The following QDPR variants were observed in gnomAD, a reference collection of about 807,000 sequenced individuals.
QDPR encodes dihydropteridine reductase.
QDPR carries 23 observed loss-of-function variants against 31.7 expected under a neutral mutation model. The observed-to-expected ratio is 0.73, with a 90% CI of 0.52 to 1.03. QDPR has a LOEUF of 1.03. QDPR is among the 50% of genes least tolerant of loss of function. The pLI, the probability that QDPR is intolerant of heterozygous loss-of-function variation, is 0.00. For missense variants in QDPR, 324 were observed against 323.8 expected, an observed-to-expected ratio of 1.00 and a Z score of 0.00; for synonymous variants, 124 against 124.7, an observed-to-expected ratio of 0.99 and a Z score of 0.03.
chr4:17,508,500 T>C (rs561070326), intron 2 of QDPR, among the ~76,000 whole-genome samples: 126 of 152,108 alleles, frequency 8.3e-4, no homozygotes, highest in South Asian at 1.9e-3. Flanking sequence ...TTCTTGACAA[T>C]AGTAAAACAA....
chr4:17,501,631 T>C (rs1043869780), intron 4 of QDPR, 88 bp downstream of exon 4: 2 of 1,500,420 alleles, frequency 1.3e-6, no homozygotes, highest in Non-Finnish European at 1.8e-6. Flanking sequence ...GTAAAGGCTT[T>C]AACAGTCCTC....
intron 4 of QDPR, among the ~76,000 whole-genome samples, chr4:17,493,573 C>CT (rs377589532): frequency 4.6e-5 from 7 of 152,118 alleles, no homozygotes; most frequent in South Asian, 2.1e-4. Flanking sequence ...CAGGCAAACG[C>CT]TTTTTTTATA....
At chr4:17,508,386 C>A (rs1200051054) in intron 2 of QDPR, among the ~76,000 whole-genome samples, 1 of 152,196 alleles carries the variant, frequency 6.6e-6, no homozygotes, top group Non-Finnish European at 1.5e-5. Flanking sequence ...TGGCAGTGAG[C>A]TGAGATTGTG....
At chr4:17,504,237 A>C in intron 3 of QDPR, 142 bp downstream of exon 3, 1 of 734,834 alleles carries the variant, frequency 1.4e-6, no homozygotes, top group Non-Finnish European at 2.4e-6. Context: ...TAAGAGCATT[A>C]ATCACTCTCT....
At chr4:17,488,604 A>C (rs1470088595) in intron 6 of QDPR, among the ~76,000 whole-genome samples, 2 of 152,256 alleles carry the variant, frequency 1.3e-5, no homozygotes, top group African/African-American at 4.8e-5. Context: ...CACAAGAAAC[A>C]AGAAGTAGAT....
intron 4 of QDPR, among the ~76,000 whole-genome samples, chr4:17,492,864 G>C (rs889422783): frequency 1.3e-5 from 2 of 152,182 alleles, no homozygotes; most frequent in Non-Finnish European, 2.9e-5. Context: ...GCCCAGGCAA[G>C]AAATGGGTTC....
chr4:17,495,327 C>G (rs1249942138), intron 4 of QDPR, among the ~76,000 whole-genome samples: 2 of 152,158 alleles, frequency 1.3e-5, no homozygotes, highest in Admixed American at 6.5e-5. Flanking sequence ...CTTACCCCAC[C>G]CCATGTCATG....
intron 2 of QDPR, among the ~76,000 whole-genome samples, chr4:17,505,435 T>C (rs957713566): frequency 7.2e-5 from 11 of 152,118 alleles, no homozygotes; most frequent in Admixed American, 4.6e-4. Flanking sequence ...TTAGTAGAGA[T>C]GGGGTTTCGC....
chr4:17,489,847 T>C (rs950389771), intron 6 of QDPR, among the ~76,000 whole-genome samples: 1 of 152,192 alleles, frequency 6.6e-6, no homozygotes, highest in Non-Finnish European at 1.5e-5. Context: ...CAAACATCTC[T>C]TATAAACAGT....
intron 2 of QDPR, among the ~76,000 whole-genome samples, chr4:17,505,482 G>T (rs1226061585): frequency 6.6e-6 from 1 of 152,052 alleles, no homozygotes; most frequent in Non-Finnish European, 1.5e-5. Context: ...CCTGACCTCA[G>T]GTGATTCGCC....
At chr4:17,501,192 G>C (rs1718549258) in intron 4 of QDPR, among the ~76,000 whole-genome samples, 1 of 152,018 alleles carries the variant, frequency 6.6e-6, no homozygotes, top group Non-Finnish European at 1.5e-5. Flanking sequence ...CTCTCTTTTT[G>C]TTTTCTAATG....
rs777797545 is a variant in QDPR at position 17,487,231 on chromosome 4, A to C, written c.635T>G (p.Phe212Cys). Residue 212 changes from phenylalanine (F) to cysteine (C), a missense_variant, in exon 7 of 7, where the codon TTC (phenylalanine) becomes TGC (cysteine). Coordinates refer to ENST00000281243, the MANE Select transcript of QDPR (RefSeq NM_000320.3). Reference protein sequence around the residue: ...WTPLEFLVETFHDWITGKNRP... With the variant: ...WTPLEFLVETCHDWITGKNRP... ...GTTTTTCCCTGTGATCCAGTCATGGAAAGTTCTGGAACAGAAAATAAAAGT... is the reference window on the plus strand; with the variant it reads ...GTTTTTCCCTGTGATCCAGTCATGGCAAGTTCTGGAACAGAAAATAAAAGT... 1.2e-6 allele frequency: 2 copies of C among 1,613,696 alleles called. No homozygotes were observed. The highest frequency in any genetic ancestry group is 1.3e-5 in the African/African-American group (1 of 74,924).
chr4:17,504,231 A>G, intron 3 of QDPR, 148 bp downstream of exon 3: 2 of 715,770 alleles, frequency 2.8e-6, no homozygotes, highest in Non-Finnish European at 5.0e-6. Context: ...ATGGATTAAG[A>G]GCATTAATCA....
intron 2 of QDPR, among the ~76,000 whole-genome samples, chr4:17,506,912 T>C (rs938716924): frequency 1.3e-5 from 2 of 152,214 alleles, no homozygotes; most frequent in African/African-American, 2.4e-5. Context: ...TGCTCACAGT[T>C]TTATGTTCAA....
rs1251945218 is a variant in QDPR, at chr4:17,504,281, C to T, written c.295+98G>A. ...AACTGTAAAGATTCCGGGATATACACAAAAAAACAGCTGGCCTGTCACCTA... is the reference window on the plus strand; with the variant it reads ...AACTGTAAAGATTCCGGGATATACATAAAAAAACAGCTGGCCTGTCACCTA... On this transcript the variant is annotated intron_variant, in intron 3 of 6. Transcript: ENST00000281243. 6 of 1,019,358 alleles carry T rather than the reference C, an allele frequency of 5.9e-6. No homozygotes were observed. The African/African-American group carries it at 7.9e-5, about 13-fold the overall frequency. The allele number at this position is 1,019,358 out of a possible 1,614,324, so 63.1% of individuals were successfully genotyped here.
intron 6 of QDPR, among the ~76,000 whole-genome samples, chr4:17,487,627 G>A (rs925538441): frequency 4.6e-5 from 7 of 151,776 alleles, no homozygotes; most frequent in Admixed American, 2.6e-4. Flanking sequence ...GCATCACAAT[G>A]AGACTCCGTC....
intron 4 of QDPR, among the ~76,000 whole-genome samples, chr4:17,494,187 A>G (rs1297875975): frequency 6.6e-6 from 1 of 152,122 alleles, no homozygotes; most frequent in Non-Finnish European, 1.5e-5. Flanking sequence ...AATCAAATAA[A>G]ATACCATGTA....
intron 4 of QDPR, among the ~76,000 whole-genome samples, chr4:17,495,845 C>CA (rs1170146934): frequency 4.6e-5 from 7 of 151,522 alleles, no homozygotes; most frequent in African/African-American, 1.7e-4. Flanking sequence ...CCTGTCTCCA[C>CA]AAAAAATACA....
At position 17,498,598 on chromosome 4, in the gene QDPR, A is replaced by G. The variant is rs1162514847; in HGVS notation, c.436+3121T>C. On this transcript the variant is annotated intron_variant, in intron 4 of 6. Transcript: ENST00000281243. Reference sequence around the variant, plus strand: ...CAAAAGGGGTTATTTGCAAGATATGAAAAAAAAGACATTTCACTAAGAAGG... The same window carrying G: ...CAAAAGGGGTTATTTGCAAGATATGGAAAAAAAGACATTTCACTAAGAAGG... Among the ~76,000 whole-genome samples, 3 of 148,542 alleles carry G rather than the reference A, an allele frequency of 2.0e-5. 1 individual carries two copies. In the South Asian group the frequency reaches 6.3e-4, roughly 31 times the overall value.
Sources: gnomAD v4.1 joint callset for allele counts (sites outside exome capture counted in the v4.1 genomes callset) on GRCh38, gnomAD v4.1.1 for gene constraint, MANE v1.5 for transcripts, NCBI Gene and HGNC (gene_info 2026-07-23, HGNC 2026-07-21) for gene names.